The following FSTL5 variants were observed in gnomAD, a reference collection of about 807,000 sequenced individuals.
The protein encoded by FSTL5 is follistatin like 5.
A neutral mutation model predicts 89.1 loss-of-function variants in FSTL5; 62 were observed. The ratio of observed to expected loss-of-function variants is 0.70; its 90% confidence interval spans 0.57 to 0.86. The LOEUF (loss-of-function observed/expected upper bound fraction) is 0.86. Ranked by LOEUF, FSTL5 falls within the 40% of genes least tolerant of loss-of-function variation. The probability of loss-of-function intolerance (pLI) is 0.00; values close to 1 mark genes in which losing one functional copy is unlikely to be tolerated. For missense variants in FSTL5, 1,057 were observed against 1,001.6 expected (o/e 1.06, Z -0.75); for synonymous variants, 383 against 346.2 (o/e 1.11, Z -1.18).
chr4:161,774,312 C>A (rs1419472371), intron 5 of FSTL5, among the ~76,000 whole-genome samples: 1 of 152,168 alleles, frequency 6.6e-6, no homozygotes, highest in Non-Finnish European at 1.5e-5. Context: ...CTCACCCCCA[C>A]TTCCAAGTTC....
intron 8 of FSTL5, among the ~76,000 whole-genome samples, chr4:161,571,815 G>C (rs779760825): frequency 6.6e-6 from 1 of 152,102 alleles, no homozygotes; most frequent in Non-Finnish European, 1.5e-5. Flanking sequence ...CTGTTGTGGT[G>C]CTGGGTCCAA....
At chr4:161,803,749 T>C (rs1400988509) in intron 4 of FSTL5, among the ~76,000 whole-genome samples, 1 of 152,046 alleles carries the variant, frequency 6.6e-6, no homozygotes, top group African/African-American at 2.4e-5. Context: ...TGGTTTCCAA[T>C]TATTGCCCTA....
chr4:161,842,918 G>C (rs751325117), intron 4 of FSTL5, among the ~76,000 whole-genome samples: 7 of 151,992 alleles, frequency 4.6e-5, no homozygotes, highest in Non-Finnish European at 1.0e-4. Context: ...AAGGAAATGA[G>C]AAAAATTAGA....
intron 2 of FSTL5, among the ~76,000 whole-genome samples, chr4:162,036,254 T>C (rs531468851): frequency 6.6e-6 from 1 of 152,242 alleles, no homozygotes; most frequent in African/African-American, 2.4e-5. Context: ...GGCCTATCTG[T>C]AATGTTTCAA....
chr4:161,841,205 C>A (rs770381742), intron 4 of FSTL5, among the ~76,000 whole-genome samples: 15 of 152,126 alleles, frequency 9.9e-5, no homozygotes, highest in Non-Finnish European at 1.5e-4. Flanking sequence ...AGTGCATACA[C>A]CATTTATTTT....
rs1001283177 is a variant in FSTL5 at position 161,691,697 on chromosome 4, C to G, written c.728-35203G>C. On this transcript the variant is annotated intron_variant, in intron 6 of 15. Coordinates refer to ENST00000306100, the MANE Select transcript of FSTL5 (RefSeq NM_020116.5). ...TACTTACATCTTTAATTTCTTTTGG[C>G]AGTGTTTTGTAGTTCTAAGCATACA... Among the ~76,000 whole-genome samples, 4 of 152,020 alleles carry G rather than the reference C, an allele frequency of 2.6e-5. 1 individual carries two copies. The highest frequency in any genetic ancestry group is 2.1e-4 in the South Asian group (1 of 4,826).
chr4:161,592,014 C>A lies in FSTL5; in HGVS notation c.895-4439G>T, dbSNP rs1353790296. Reference sequence around the variant, plus strand: ...CATAAGTTGAACTCAGGGATAAAGACAGGAAAAGGGAACAAAGAGGAAATT... The same window carrying A: ...CATAAGTTGAACTCAGGGATAAAGAAAGGAAAAGGGAACAAAGAGGAAATT... On this transcript the variant is annotated intron_variant, in intron 7 of 15. Coordinates refer to ENST00000306100, the MANE Select transcript of FSTL5 (RefSeq NM_020116.5). Among the ~76,000 whole-genome samples the A allele has an allele frequency of 2.0e-5, 3 of 151,892 alleles. No individual in the cohort carries two copies. The South Asian group carries it at 6.2e-4, about 32-fold the overall frequency.
At chr4:161,973,767 T>C (rs1434106608) in intron 3 of FSTL5, among the ~76,000 whole-genome samples, 1 of 152,132 alleles carries the variant, frequency 6.6e-6, no homozygotes, top group Non-Finnish European at 1.5e-5. Context: ...AGACCCAGCT[T>C]CTACTATTGA....
At chr4:162,139,332 A>G (rs1732637324) in intron 1 of FSTL5, among the ~76,000 whole-genome samples, 1 of 152,096 alleles carries the variant, frequency 6.6e-6, no homozygotes, top group Non-Finnish European at 1.5e-5. Flanking sequence ...TTTGATAAGC[A>G]GATTTTAATT....
At chr4:161,890,913 T>C (rs1946581) in intron 4 of FSTL5, among the ~76,000 whole-genome samples, 125,039 of 151,922 alleles carry the variant, frequency 0.82, 52,338 homozygotes, top group Non-Finnish European at 0.9. Context: ...GTTAAAATTA[T>C]ATACTGTCTC....
chr4:161,966,918 G>A (rs572972068), intron 3 of FSTL5, among the ~76,000 whole-genome samples: 10 of 151,700 alleles, frequency 6.6e-5, no homozygotes, highest in African/African-American at 2.4e-4. Flanking sequence ...TAGTTAACTC[G>A]AATTAATGAC....
intron 8 of FSTL5, among the ~76,000 whole-genome samples, chr4:161,547,071 A>G (rs1732032071): frequency 6.6e-6 from 1 of 152,018 alleles, no homozygotes; most frequent in Non-Finnish European, 1.5e-5. Flanking sequence ...AAGATACTCA[A>G]TCACTCTTAT....
chr4:161,648,191 G>A (rs1413237711), intron 7 of FSTL5, among the ~76,000 whole-genome samples: 1 of 152,164 alleles, frequency 6.6e-6, no homozygotes, highest in Non-Finnish European at 1.5e-5. Context: ...CTTGCAACAA[G>A]GTAAAGGGTC....
At chr4:161,611,355 G>A (rs923333508) in intron 7 of FSTL5, among the ~76,000 whole-genome samples, 11 of 149,632 alleles carry the variant, frequency 7.4e-5, no homozygotes, top group Admixed American at 4.7e-4. Context: ...CAAGAAAATC[G>A]AGATATTTTT....
intron 4 of FSTL5, among the ~76,000 whole-genome samples, chr4:161,802,636 G>T (rs1207459202): frequency 1.3e-5 from 2 of 151,390 alleles, no homozygotes; most frequent in Non-Finnish European, 3.0e-5. Flanking sequence ...ACGATTTAAT[G>T]GTTGGCAGGT....
intron 1 of FSTL5, among the ~76,000 whole-genome samples, chr4:162,140,371 C>T (rs180798816): frequency 7.1e-6 from 1 of 141,352 alleles, no homozygotes; most frequent in East Asian, 2.1e-4. Context: ...AACCCAAGAG[C>T]CCATCACTAA....
intron 15 of FSTL5, among the ~76,000 whole-genome samples, chr4:161,399,002 T>A (rs1270365728): frequency 2.0e-5 from 3 of 152,070 alleles, no homozygotes; most frequent in Admixed American, 2.0e-4. Flanking sequence ...TAAAAAATGT[T>A]TATAAAACAC....
At chr4:161,997,670 T>A (rs1736337599) in intron 3 of FSTL5, among the ~76,000 whole-genome samples, 1 of 146,106 alleles carries the variant, frequency 6.8e-6, no homozygotes. Flanking sequence ...AGTGGCACGA[T>A]CTCTGCCCAC....
At chr4:161,780,634 C>G (rs946105514) in intron 4 of FSTL5, among the ~76,000 whole-genome samples, 1 of 152,204 alleles carries the variant, frequency 6.6e-6, no homozygotes, top group Admixed American at 6.5e-5. Context: ...GAAAATCCAT[C>G]TGGCCTTGTG....
Sources: allele counts gnomAD v4.1 joint callset (sites outside exome capture counted in the v4.1 genomes callset), GRCh38; gene constraint gnomAD v4.1.1; transcripts MANE v1.5; gene names NCBI Gene and HGNC (gene_info 2026-07-23, HGNC 2026-07-21).